PCNX2: variants seen among roughly 807,000 people sequenced by gnomAD.
PCNX2 encodes pecanex-like protein 2.
A neutral mutation model predicts 223.8 loss-of-function variants in PCNX2; 168 were observed. That is an observed-to-expected ratio of 0.75 (90% CI 0.66 to 0.85). The LOEUF (loss-of-function observed/expected upper bound fraction) is 0.85. Among genes scored for constraint, PCNX2 ranks in the 40% least tolerant of loss-of-function variants. The pLI is 0.00. For synonymous variants in PCNX2, 1,006 were observed against 1,052.6 expected, an observed-to-expected ratio of 0.96 and a Z score of 0.86; for missense variants, 2,507 against 2,675.5, an observed-to-expected ratio of 0.94 and a Z score of 1.39.
chr1:233,037,716 T>C (rs1476733926), intron 25 of PCNX2, among the ~76,000 whole-genome samples: 1 of 152,222 alleles, frequency 6.6e-6, no homozygotes, highest in Non-Finnish European at 1.5e-5. Flanking sequence ...TTCGGATAAT[T>C]TATAACTTGT....
chr1:233,066,959 T>A (rs1334342934), intron 23 of PCNX2, among the ~76,000 whole-genome samples: 1 of 151,930 alleles, frequency 6.6e-6, no homozygotes, highest in Non-Finnish European at 1.5e-5. Flanking sequence ...GAATCTGAAC[T>A]CCCACCCCCT....
At chr1:233,314,858 C>T in the PCNX2 span, among the ~76,000 whole-genome samples, 3 of 152,174 alleles carry the variant, frequency 2.0e-5, no homozygotes, top group Non-Finnish European at 4.4e-5. Flanking sequence ...CTCATTGAAC[C>T]CTCACCTTTA....
At chr1:233,051,566 G>A (rs1234091854) in intron 25 of PCNX2, among the ~76,000 whole-genome samples, 1 of 152,176 alleles carries the variant, frequency 6.6e-6, no homozygotes, top group East Asian at 1.9e-4. Flanking sequence ...GCAGTTGGAT[G>A]CCATTATCCT....
chr1:233,312,880 A>G, the PCNX2 span, among the ~76,000 whole-genome samples: 1 of 152,134 alleles, frequency 6.6e-6, no homozygotes, highest in East Asian at 1.9e-4. Flanking sequence ...GATTAGAAAA[A>G]AAATTCATAT....
At chr1:232,988,420 CT>C (rs66592819) in intron 32 of PCNX2, among the ~76,000 whole-genome samples, 37,821 of 147,290 alleles carry the variant, frequency 0.26, 4,936 homozygotes, top group African/African-American at 0.35. Context: ...TCTCATTGCT[CT>C]TTTTTTTTTT....
rs745670317 is a variant in PCNX2 at position 233,095,855 on chromosome 1, G to A, written c.3846C>T (p.Asp1282=). The change falls in exon 22 of 34, where the codon GAC becomes GAT. Residue 1282 remains aspartate, a synonymous_variant. Transcript: ENST00000258229. ...MVSILFSKLG[D]LLHKLQFVLT... ...GGACGAACTGTAACTTGTGAAGCAG[G>A]TCCCCGAGCTGAAAGTAAAAGAAAA... The A allele has an allele frequency of 6.2e-7, 1 of 1,608,302 alleles. No homozygotes were observed. The highest frequency in any genetic ancestry group is 1.3e-5 in the African/African-American group (1 of 74,670).
rs139595021 is a variant in PCNX2, at chr1:233,267,142, A to G, written c.154-3979T>C. Among the ~76,000 whole-genome samples the G allele has an allele frequency of 1.5e-4, 23 of 152,188 alleles. No individual in the cohort carries two copies. In the East Asian group the frequency reaches 4.1e-3, roughly 27 times the overall value. On this transcript the variant is annotated intron_variant, in intron 1 of 33. Coordinates refer to ENST00000258229, the MANE Select transcript of PCNX2 (RefSeq NM_014801.4). ...AAGACCAGCCTGGCCAACGTGATGAAACCCAGTCTACTAAAAACACAAAAA... is the reference window on the plus strand; with the variant it reads ...AAGACCAGCCTGGCCAACGTGATGAGACCCAGTCTACTAAAAACACAAAAA...
At chr1:233,128,987 T>C (rs1268389199) in intron 21 of PCNX2, among the ~76,000 whole-genome samples, 3 of 152,214 alleles carry the variant, frequency 2.0e-5, no homozygotes, top group Non-Finnish European at 4.4e-5. Flanking sequence ...TCGCTCACTC[T>C]TGGCGCCTCC....
At chr1:233,262,286 T>C (rs1660096092) in intron 2 of PCNX2, 121 bp from the exon 3 acceptor site, 4 of 1,260,626 alleles carry the variant, frequency 3.2e-6, no homozygotes, top group South Asian at 1.4e-5. Flanking sequence ...TCCTTACATA[T>C]AAATCTTTTT....
intron 23 of PCNX2, among the ~76,000 whole-genome samples, chr1:233,079,838 C>T (rs1673274485): frequency 6.6e-6 from 1 of 152,148 alleles, no homozygotes; most frequent in African/African-American, 2.4e-5. Flanking sequence ...GCTTGCACCC[C>T]ACACCACCAA....
chr1:233,150,048 C>T (rs1007150352), intron 19 of PCNX2, among the ~76,000 whole-genome samples: 7 of 152,042 alleles, frequency 4.6e-5, no homozygotes, highest in South Asian at 2.1e-4. Context: ...TACTTTCTTC[C>T]GTGGGATGAA....
intron 27 of PCNX2, among the ~76,000 whole-genome samples, chr1:233,016,034 C>A (rs185428929): frequency 4.6e-5 from 7 of 152,322 alleles, no homozygotes; most frequent in African/African-American, 1.7e-4. Context: ...CAGCCGACAA[C>A]ATCAATCAAT....
the PCNX2 span, among the ~76,000 whole-genome samples, chr1:233,310,337 A>C: frequency 6.6e-6 from 1 of 152,258 alleles, no homozygotes; most frequent in Non-Finnish European, 1.5e-5. Flanking sequence ...ATAGTATATC[A>C]GTACCAATAG....
intron 23 of PCNX2, among the ~76,000 whole-genome samples, chr1:233,073,222 G>A (rs775120330): frequency 7.2e-5 from 11 of 152,030 alleles, no homozygotes; most frequent in Non-Finnish European, 1.2e-4. Context: ...AATTATGTAA[G>A]GCTAGTAATA....
In PCNX2 at chr1:233,001,641, C is replaced by G; in HGVS notation, c.4993G>C (p.Gly1665Arg). Residue 1665 changes from glycine to arginine, a missense_variant, in exon 29 of 34, where the codon GGT (glycine) becomes CGT (arginine). Around this residue, in one of 3 missense-constraint regions of PCNX2, gnomAD observed 1,372 missense variants for 1,509.4 expected, o/e 0.91. Transcript: ENST00000258229. The surrounding 1 kb of genome is among the most constrained non-coding windows in gnomAD (Gnocchi z 4.2). ...FLYGLHVLFK[G>R]DFRITARDEW... The stretch of plus-strand genomic sequence containing the variant: ...TCACGTGCTGTTATTCTGAAGTCAC[C>G]TTTGAAGAGGACATGGAGGCCATAC... 1 of 1,593,712 alleles carries G rather than the reference C, an allele frequency of 6.3e-7. No individual in the cohort carries two copies. The highest frequency in any genetic ancestry group is 8.6e-7 in the Non-Finnish European group (1 of 1,168,256).
At chr1:233,295,997 T>C (rs1031836866), upstream of PCNX2, among the ~76,000 whole-genome samples, 2 of 143,436 alleles carry the variant, frequency 1.4e-5, no homozygotes, top group Non-Finnish European at 3.0e-5. The surrounding 1 kb of genome is among the most constrained non-coding windows in gnomAD (Gnocchi z 4.1). Context: ...TTTCTTTCTT[T>C]CTTTCTTTTT....
In PCNX2 at chr1:233,025,267, A is replaced by G; in HGVS notation, c.4484T>C (p.Leu1495Pro). 1 of 1,613,942 alleles carries G rather than the reference A, an allele frequency of 6.2e-7. No homozygotes were observed. Residue 1495 changes from leucine (L) to proline (P), a missense_variant, in exon 26 of 34, where the codon CTC becomes CCC. By Grantham distance (98) the Leu-to-Pro change is moderately conservative (BLOSUM62 -3). Coordinates refer to ENST00000258229, the MANE Select transcript of PCNX2 (RefSeq NM_014801.4). The part of the protein sequence containing the change: ...SCNAAFHLRW[L>P]TWEITQTQYI... Reference sequence around the variant, plus strand: ...CTGGGTCTGCGTGATTTCCCAGGTGAGCCAGCGGAGGTGAAAGGCAGCGTT... The same window carrying G: ...CTGGGTCTGCGTGATTTCCCAGGTGGGCCAGCGGAGGTGAAAGGCAGCGTT...
chr1:233,184,832 T>C (rs758884552), intron 15 of PCNX2, among the ~76,000 whole-genome samples: 4 of 152,152 alleles, frequency 2.6e-5, no homozygotes, highest in African/African-American at 4.8e-5. Context: ...GGCACACTTA[T>C]TCTTCCAAGA....
At chr1:233,045,564 G>A (rs2102864460) in intron 25 of PCNX2, among the ~76,000 whole-genome samples, 1 of 152,280 alleles carries the variant, frequency 6.6e-6, no homozygotes, top group Admixed American at 6.5e-5. Context: ...GTGACTCTCA[G>A]GGATAGGCAG....
Sources: gnomAD v4.1 joint callset for allele counts (sites outside exome capture counted in the v4.1 genomes callset) on GRCh38, gnomAD v4.1.1 for gene constraint, gnomAD v4.1.1 regional missense constraint, Gnocchi (gnomAD v3.1) non-coding constraint, MANE v1.5 for transcripts, NCBI Gene and HGNC (gene_info 2026-07-23, HGNC 2026-07-21) for gene names.